Variants in SUZ12 observed in about 807,000 individuals in gnomAD.
SUZ12 encodes the protein polycomb protein SUZ12.
Under a neutral mutation model 87.3 loss-of-function variants are expected in SUZ12, and 17 were observed. That is an observed-to-expected ratio of 0.19 (90% confidence interval 0.13 to 0.29). SUZ12 has a LOEUF of 0.29. Ranked by LOEUF, SUZ12 falls within the 10% of genes least tolerant of loss-of-function variation. SUZ12 has a pLI of 1.00. For missense variants in SUZ12, 526 were observed against 912.2 expected (o/e 0.58, Z 5.45); for synonymous variants, 253 against 312.4 (o/e 0.81, Z 2.01).
At chr17:31,965,764 C>T (rs1370678072) in intron 4 of SUZ12, 1 of 158,476 alleles carries the variant, frequency 6.3e-6, no homozygotes, top group African/African-American at 2.4e-5. Context: ...TTCCAAAAAC[C>T]CTCCAAAATT....
intron 4 of SUZ12, among the ~76,000 whole-genome samples, chr17:31,965,155 A>AAT (rs1555588401): frequency 3.3e-4 from 50 of 151,678 alleles, no homozygotes; most frequent in Admixed American, 2.0e-3. Flanking sequence ...TTAAAAAAAA[A>AAT]ATATATATAT....
chr17:31,992,706 G>A (rs888833447), intron 10 of SUZ12, among the ~76,000 whole-genome samples: 3 of 151,654 alleles, frequency 2.0e-5, no homozygotes, highest in East Asian at 3.9e-4. Flanking sequence ...CACCGCGCCC[G>A]GCCCTGTTTT....
intron 8 of SUZ12, among the ~76,000 whole-genome samples, chr17:31,980,174 A>T (rs542132): frequency 0.11 from 16,144 of 151,550 alleles, 1,057 homozygotes; most frequent in Middle Eastern, 0.15. Context: ...GAAAAAAAAA[A>T]TTTTTTTAAA....
chr17:31,963,504 G>GT (rs1598162869), intron 4 of SUZ12, among the ~76,000 whole-genome samples: 26 of 116,380 alleles, frequency 2.2e-4, no homozygotes, highest in South Asian at 8.0e-4. Context: ...TTTTTGTTTT[G>GT]TTTTGTTTTT....
chr17:31,959,013 G>A (rs184107969), intron 4 of SUZ12, among the ~76,000 whole-genome samples: 256 of 152,248 alleles, frequency 1.7e-3, no homozygotes, highest in African/African-American at 5.6e-3. Flanking sequence ...GGGAGACTCC[G>A]TCTCAAAATA....
intron 4 of SUZ12, among the ~76,000 whole-genome samples, chr17:31,951,513 C>T (rs1301489786): frequency 9.6e-5 from 14 of 146,476 alleles, no homozygotes; most frequent in Admixed American, 1.4e-4. Flanking sequence ...GACGGAGTCT[C>T]GCTCTGTCAC....
At chr17:31,985,633 TG>T (rs1163796311) in intron 9 of SUZ12, among the ~76,000 whole-genome samples, 1 of 151,178 alleles carries the variant, frequency 6.6e-6, no homozygotes, top group Admixed American at 6.6e-5. Flanking sequence ...GAAGAGTTTT[TG>T]TTGTTGTTGG....
At chr17:31,955,555 T>C (rs1482517612) in intron 4 of SUZ12, among the ~76,000 whole-genome samples, 1 of 152,068 alleles carries the variant, frequency 6.6e-6, no homozygotes, top group East Asian at 1.9e-4. Context: ...GAGAACAGCC[T>C]GACCAACATG....
intron 4 of SUZ12, among the ~76,000 whole-genome samples, chr17:31,955,261 T>G (rs893786085): frequency 3.9e-5 from 6 of 152,074 alleles, no homozygotes; most frequent in African/African-American, 1.4e-4. Flanking sequence ...TGCTACCATG[T>G]CCCACTTATT....
intron 4 of SUZ12, among the ~76,000 whole-genome samples, chr17:31,958,804 C>A (rs1207833921): frequency 1.3e-5 from 2 of 152,108 alleles, no homozygotes; most frequent in East Asian, 3.8e-4. Flanking sequence ...CGAGATTACA[C>A]CGCTGCACTC....
At chr17:31,983,751 A>G (rs111834282) in intron 9 of SUZ12, among the ~76,000 whole-genome samples, 1 of 152,238 alleles carries the variant, frequency 6.6e-6, no homozygotes, top group African/African-American at 2.4e-5. Flanking sequence ...AGTGCCTGGC[A>G]TACAATAAGT....
intron 4 of SUZ12, among the ~76,000 whole-genome samples, chr17:31,953,045 C>T (rs1211239136): frequency 6.6e-6 from 1 of 152,174 alleles, no homozygotes; most frequent in African/African-American, 2.4e-5. Flanking sequence ...CTGTTAGTAG[C>T]TGGAGAAAAA....
chr17:31,972,608 G>T (rs1339171710), intron 5 of SUZ12, among the ~76,000 whole-genome samples: 2 of 152,156 alleles, frequency 1.3e-5, no homozygotes, highest in African/African-American at 4.8e-5. Flanking sequence ...TAGAGACGAG[G>T]TTTCTGTGTT....
At chr17:31,967,506 G>A (rs1452763919) in intron 5 of SUZ12, 1 of 151,982 alleles carries the variant, frequency 6.6e-6, no homozygotes, top group Admixed American at 6.6e-5. Context: ...AAACTAGCTG[G>A]GTGTCGTGGT....
rs997305725 is a variant in SUZ12 at position 32,000,650 on chromosome 17, G to T, written c.*1647G>T. On this transcript the variant is annotated 3_prime_UTR_variant, in exon 16 of 16. Transcript: ENST00000322652. ...ACATATGTAAAAAAAAAAAAAAAAA[G>T]ATTATTTTAGGGGAGATGTAGGTGT... 4.6e-6 allele frequency: 1 copy of T among 219,690 alleles called. No homozygotes were observed. The allele number at this position is 219,690 out of a possible 1,614,324, so 13.6% of individuals were successfully genotyped here.
rs139628402 is a variant in SUZ12 at position 31,987,804 on chromosome 17, G to A, written c.1024-516G>A. 3.8e-3 allele frequency among the ~76,000 whole-genome samples: 576 copies of A among 152,170 alleles called. 2 individuals are homozygous for A. The highest frequency in any genetic ancestry group is 6.0e-3 in the Non-Finnish European group (409 of 68,002). ...ACACAAAAAATTAGCTGGGCGTGACGGCAGGTGCCTGTAATCCCAGCTACT... is the reference window on the plus strand; with the variant it reads ...ACACAAAAAATTAGCTGGGCGTGACAGCAGGTGCCTGTAATCCCAGCTACT... On this transcript the variant is annotated intron_variant, in intron 9 of 15. Transcript: ENST00000322652.
chr17:31,992,625 T>C (rs1909777040), intron 10 of SUZ12, among the ~76,000 whole-genome samples: 1 of 152,056 alleles, frequency 6.6e-6, no homozygotes, highest in African/African-American at 2.4e-5. Context: ...TTAGCCAGGA[T>C]GGTCTTGATC....
Position 31,949,779 on chromosome 17 carries a change from G to T in SUZ12, c.455+2094G>T, listed in dbSNP as rs1256728959. ...TGGCTCTACAGCCTCCACCTCCCGG[G>T]CTCAAGCAATTCACCTGTCTCAGCC... On this transcript the variant is annotated intron_variant, in intron 4 of 15. Transcript: ENST00000322652. Among the ~76,000 whole-genome samples, 5 of 134,262 alleles carry T rather than the reference G, an allele frequency of 3.7e-5. No homozygotes were observed. The South Asian group carries it at 7.4e-4, about 20-fold the overall frequency. 88.1% of individuals were successfully genotyped at this position (134,262 alleles called of 152,430 possible). A position where few individuals can be genotyped will look rare whatever the true frequency, so the allele number is the denominator to read the frequency against.
rs1905985096 is a variant in SUZ12, at chr17:31,937,246, G to C, written c.-1G>C. 4 of 1,400,578 alleles carry C rather than the reference G, an allele frequency of 2.9e-6. No homozygotes were observed. The East Asian group carries it at 1.2e-4, about 43-fold the overall frequency. The allele number at this position is 1,400,578 out of a possible 1,614,324, so 86.8% of individuals were successfully genotyped here. The stretch of plus-strand genomic sequence containing the variant: ...GGCGGGGGGAGGAGGCAGGAACCGC[G>C]ATGGCGCCTCAGAAGCACGGCGGTG... On this transcript the variant is annotated 5_prime_UTR_variant, in exon 1 of 16. Coordinates refer to ENST00000322652, the MANE Select transcript of SUZ12 (RefSeq NM_015355.4).
Sources: allele counts gnomAD v4.1 joint callset (sites outside exome capture counted in the v4.1 genomes callset), GRCh38; gene constraint gnomAD v4.1.1; transcripts MANE v1.5; gene names NCBI Gene and HGNC (gene_info 2026-07-23, HGNC 2026-07-21).